Variants in PCDHA3 observed in about 807,000 individuals in gnomAD.
PCDHA3 encodes protocadherin alpha 3.
In PCDHA3, 41 loss-of-function variants were observed where a neutral mutation model predicts 62.2. The observed-to-expected ratio is 0.66, with a 90% CI of 0.51 to 0.86. The LOEUF (loss-of-function observed/expected upper bound fraction) is 0.86. PCDHA3 is among the 40% of genes least tolerant of loss of function. The pLI is 0.00. For synonymous variants in PCDHA3, 640 were observed against 555.4 expected, an observed-to-expected ratio of 1.15 and a Z score of -2.14; for missense variants, 1,304 against 1,241.2, an observed-to-expected ratio of 1.05 and a Z score of -0.76.
At chr5:140,928,271 C>G in intron 1 of PCDHA3, 2 of 1,614,186 alleles carry the variant, frequency 1.2e-6, no homozygotes, top group East Asian at 4.5e-5. Flanking sequence ...AACAATGGCC[C>G]TGGGGCCTCT....
In PCDHA3 at chr5:140,967,285, G is replaced by C. The variant is rs150694611; in HGVS notation, c.2395-11664G>C. 6,229 of 1,613,054 alleles carry C rather than the reference G, an allele frequency of 3.9e-3. 11 individuals carry two copies. The highest frequency in any genetic ancestry group is 5.0e-3 in the Non-Finnish European group (5,885 of 1,179,544). On this transcript the variant is annotated intron_variant, in intron 1 of 3. Coordinates refer to ENST00000522353, the MANE Select transcript of PCDHA3 (RefSeq NM_018906.3). Reference sequence around the variant, plus strand: ...CGCGCTTTCACATAGAGAGTGCGCAGGACCCCGACGTGGGCGCCAACTCAG... The same window carrying C: ...CGCGCTTTCACATAGAGAGTGCGCACGACCCCGACGTGGGCGCCAACTCAG...
chr5:140,871,527 G>T lies in PCDHA3; in HGVS notation c.2394+67936G>T, dbSNP rs537927360. ...TTCTACAGATTCCACCTATCAGGAA[G>T]TGTATGTGAAATTATTTAAAATCCA... On this transcript the variant is annotated intron_variant, in intron 1 of 3. Transcript: ENST00000522353. 7 of 1,531,726 alleles carry T rather than the reference G, an allele frequency of 4.6e-6. No individual in the cohort carries two copies. The African/African-American group carries it at 9.7e-5, about 21-fold the overall frequency. The allele number at this position is 1,531,726 out of a possible 1,614,324, so 94.9% of individuals were successfully genotyped here.
intron 1 of PCDHA3, among the ~76,000 whole-genome samples, chr5:140,956,942 A>G (rs2153711637): frequency 6.7e-6 from 1 of 148,840 alleles, no homozygotes; most frequent in Admixed American, 6.8e-5. Flanking sequence ...GATAAAATTT[A>G]CATTAAAACA....
At chr5:140,825,406 A>G (rs1554130225) in intron 1 of PCDHA3, 1 of 146,270 alleles carries the variant, frequency 6.8e-6, no homozygotes, top group African/African-American at 2.5e-5. Context: ...TATATTATAT[A>G]TTTTATATAA....
At chr5:140,888,108 T>C (rs1554183322) in intron 1 of PCDHA3, among the ~76,000 whole-genome samples, 1 of 152,248 alleles carries the variant, frequency 6.6e-6, no homozygotes, top group Non-Finnish European at 1.5e-5. Flanking sequence ...CTTCTTTTAA[T>C]CTATCTTCTT....
rs1554151191 is a variant in PCDHA3, at chr5:140,858,123, T to A, written c.2394+54532T>A. The A allele has an allele frequency of 6.3e-7, 1 of 1,597,678 alleles. No individual in the cohort carries two copies. Among genetic ancestry groups the A allele is most frequent in the South Asian group, 1.1e-5 (1 of 90,530 alleles). ...GGCGTGGCGCCCGAGGTGGCCCTGG[T>A]GGATGTCAACGTGTACCTGATCATC... On this transcript the variant is annotated intron_variant, in intron 1 of 3. Coordinates refer to ENST00000522353, the MANE Select transcript of PCDHA3 (RefSeq NM_018906.3).
Position 140,871,058 on chromosome 5 carries a change from A to C in PCDHA3, c.2394+67467A>C, listed in dbSNP as rs1179361194. Reference sequence around the variant, plus strand: ...CACCGACTTCTAGTACTGGTGAAGGATCACGGTGAGCCGGCGCTGACGGCC... The same window carrying C: ...CACCGACTTCTAGTACTGGTGAAGGCTCACGGTGAGCCGGCGCTGACGGCC... On this transcript the variant is annotated intron_variant, in intron 1 of 3. Transcript: ENST00000522353. 8 of 1,613,140 alleles carry C rather than the reference A, an allele frequency of 5.0e-6. No homozygotes were observed. The African/African-American group carries it at 6.7e-5, about 13-fold the overall frequency.
intron 1 of PCDHA3, chr5:140,849,181 T>C: frequency 1.9e-6 from 2 of 1,077,314 alleles, no homozygotes; most frequent in African/African-American, 1.9e-5. Context: ...GTTCAATTAC[T>C]CATCACGGTA....
intron 3 of PCDHA3, among the ~76,000 whole-genome samples, chr5:141,008,840 T>C (rs2098392722): frequency 6.6e-6 from 1 of 152,188 alleles, no homozygotes; most frequent in African/African-American, 2.4e-5. Context: ...CCTCTTACGC[T>C]GTGTATTCCC....
At chr5:140,871,833 T>G (rs2053334975) in intron 1 of PCDHA3, among the ~76,000 whole-genome samples, 1 of 152,282 alleles carries the variant, frequency 6.6e-6, no homozygotes, top group African/African-American at 2.4e-5. Flanking sequence ...CCTTCATCTC[T>G]AAACTTCAAT....
rs2150185526 is a variant in PCDHA3, at chr5:140,830,370, C to T, written c.2394+26779C>T. ...CAGCAGAGGCGGCAGAGGGTGTGCT[C>T]CGGGGAGGGCCCACCCAAGATGGAT... is the stretch of plus-strand genomic sequence containing the variant. On this transcript the variant is annotated intron_variant, in intron 1 of 3. Coordinates refer to ENST00000522353, the MANE Select transcript of PCDHA3 (RefSeq NM_018906.3). The T allele has an allele frequency of 1.6e-5, 26 of 1,614,014 alleles. No homozygotes were observed. In the East Asian group the frequency reaches 3.6e-4, roughly 22 times the overall value.
chr5:140,832,192 A>C (rs1239863320), intron 1 of PCDHA3, among the ~76,000 whole-genome samples: 1 of 152,208 alleles, frequency 6.6e-6, no homozygotes, highest in East Asian at 1.9e-4. Context: ...AAGACATTTA[A>C]CCTGCTGAGT....
At chr5:140,968,494 C>T in intron 1 of PCDHA3, 1 of 1,614,096 alleles carries the variant, frequency 6.2e-7, no homozygotes, top group Non-Finnish European at 8.5e-7. Flanking sequence ...ATGACCATGC[C>T]CCTCACATTC....
chr5:140,957,630 C>A (rs2095372065), intron 1 of PCDHA3, among the ~76,000 whole-genome samples: 1 of 152,000 alleles, frequency 6.6e-6, no homozygotes, highest in Non-Finnish European at 1.5e-5. Context: ...CACACACTTT[C>A]AGAAATGCAC....
chr5:140,801,071 T>C lies in PCDHA3; in HGVS notation c.-127T>C. The C allele has an allele frequency of 6.8e-7, 1 of 1,467,976 alleles. No individual in the cohort carries two copies. Among genetic ancestry groups the C allele is most frequent in the Non-Finnish European group, 9.0e-7 (1 of 1,116,000 alleles). 90.9% of individuals were successfully genotyped at this position (1,467,976 alleles called of 1,614,324 possible). A position where few individuals can be genotyped will look rare whatever the true frequency, so the allele number is the denominator to read the frequency against. ...TAACAGCGTGCATTACGTATTCAGA[T>C]ACTGCTTTGCTTCATCCTCTCTAAA... On this transcript the variant is annotated 5_prime_UTR_variant, in exon 1 of 4. Transcript: ENST00000522353.
At chr5:140,858,633 TTTGA>T (rs1554151907) in intron 1 of PCDHA3, 1 of 1,010,458 alleles carries the variant, frequency 9.9e-7, no homozygotes, top group Non-Finnish European at 1.4e-6. Context: ...TGTGTCAGCC[TTTGA>T]TTGGTACTTA....
chr5:140,853,323 A>T (rs191492772), intron 1 of PCDHA3: 1 of 984,966 alleles, frequency 1.0e-6, no homozygotes, highest in African/African-American at 1.8e-5. Context: ...TAATAAATTT[A>T]TCTTTTGAGG....
At chr5:140,877,810 C>A (rs782370638) in intron 1 of PCDHA3, 9 of 1,610,248 alleles carry the variant, frequency 5.6e-6, no homozygotes, top group Non-Finnish European at 6.8e-6. Flanking sequence ...TCAGCTGTCT[C>A]GAGAAGATTG....
At chr5:140,897,486 A>G (rs183789033) in intron 1 of PCDHA3, among the ~76,000 whole-genome samples, 2 of 151,962 alleles carry the variant, frequency 1.3e-5, no homozygotes, top group Admixed American at 6.5e-5. Flanking sequence ...ATGATTTCCA[A>G]TTTCAACCAT....
Sources: gnomAD v4.1 joint callset for allele counts (sites outside exome capture counted in the v4.1 genomes callset) on GRCh38, gnomAD v4.1.1 for gene constraint, MANE v1.5 for transcripts, NCBI Gene and HGNC (gene_info 2026-07-23, HGNC 2026-07-21) for gene names.